The following UBR1 variants were observed in gnomAD, a reference collection of about 807,000 sequenced individuals.
UBR1 encodes ubiquitin protein ligase E3 component n-recognin 1.
UBR1 carries 102 observed loss-of-function variants against 242.1 expected under a neutral mutation model. The ratio of observed to expected loss-of-function variants is 0.42; its 90% CI spans 0.36 to 0.50. The LOEUF is 0.50. Ranked by LOEUF, UBR1 falls within the 20% of genes least tolerant of loss-of-function variation. The pLI, the probability that UBR1 is intolerant of heterozygous loss-of-function variation, is 0.01. For synonymous variants in UBR1, 675 were observed against 684.8 expected (o/e 0.99, Z 0.22); for missense variants, 1,772 against 2,101.8 (o/e 0.84, Z 3.07).
At chr15:43,083,288 A>G (rs182390808) in intron 2 of UBR1, among the ~76,000 whole-genome samples, 12 of 152,378 alleles carry the variant, frequency 7.9e-5, no homozygotes, top group African/African-American at 2.4e-4. Flanking sequence ...CTCTCCCTTA[A>G]TAACAACTTC....
At chr15:43,006,909 A>T (rs970245770) in intron 30 of UBR1, among the ~76,000 whole-genome samples, 170 bp downstream of exon 30, 2 of 152,228 alleles carry the variant, frequency 1.3e-5, no homozygotes, top group East Asian at 3.8e-4. Flanking sequence ...TTGGAGAAAA[A>T]TTGATTTTAT....
At chr15:42,979,434 C>T (rs905155224) in intron 37 of UBR1, among the ~76,000 whole-genome samples, 1 of 152,204 alleles carries the variant, frequency 6.6e-6, no homozygotes, top group Non-Finnish European at 1.5e-5. Flanking sequence ...ACTAAAATGG[C>T]TTCCAGTATT....
In UBR1 at chr15:43,106,014, G is replaced by A. The variant is rs1370737871; in HGVS notation, c.9C>T (p.Asp3=). Reference sequence around the variant, plus strand: ...TCCTCTCAGTACCTCCAGCCTCCTCGTCCGCCATCTTGAGGGAAACTGACG... The same window carrying A: ...TCCTCTCAGTACCTCCAGCCTCCTCATCCGCCATCTTGAGGGAAACTGACG... MA[D]EEAGGTERME... Residue 3 remains aspartate, a synonymous_variant, in exon 1 of 47, where the codon GAC becomes GAT. Coordinates refer to ENST00000290650, the MANE Select transcript of UBR1 (RefSeq NM_174916.3). The A allele has an allele frequency of 1.2e-6, 2 of 1,612,292 alleles. No homozygotes were observed. The highest frequency in any genetic ancestry group is 8.5e-7 in the Non-Finnish European group (1 of 1,179,274).
chr15:42,989,898 C>T (rs138795049), intron 34 of UBR1, 132 bp downstream of exon 34: 56 of 726,866 alleles, frequency 7.7e-5, no homozygotes, highest in Middle Eastern at 7.9e-4. Context: ...ATAAAACAAA[C>T]GAGAAAGAAA....
intron 41 of UBR1, among the ~76,000 whole-genome samples, chr15:42,964,586 T>C (rs899208708): frequency 3.9e-5 from 6 of 152,202 alleles, no homozygotes; most frequent in African/African-American, 7.2e-5. Flanking sequence ...GGCTCTAATG[T>C]GTAACCACAC....
In UBR1 at chr15:43,068,050, A is replaced by C. The variant is rs779087715; in HGVS notation, c.660-14T>G. 1.3e-6 allele frequency: 2 copies of C among 1,592,144 alleles called. No homozygotes were observed. The highest frequency in any genetic ancestry group is 1.7e-6 in the Non-Finnish European group (2 of 1,162,868). Reference sequence around the variant, plus strand: ...TCATTTTTCTCCCTGTTAGAAAAAAAACATATATATTTGGATACTACAACA... The same window carrying C: ...TCATTTTTCTCCCTGTTAGAAAAAACACATATATATTTGGATACTACAACA... On this transcript the variant is annotated splice_polypyrimidine_tract_variant and intron_variant, in intron 5 of 46. Transcript: ENST00000290650.
At chr15:42,968,626 C>T (rs941531096) in intron 40 of UBR1, among the ~76,000 whole-genome samples, 2 of 152,062 alleles carry the variant, frequency 1.3e-5, no homozygotes, top group Non-Finnish European at 2.9e-5. Flanking sequence ...CACCCAGCAA[C>T]CCGTCATCTA....
chr15:43,035,721 G>C (rs1320131437), intron 19 of UBR1, among the ~76,000 whole-genome samples: 2 of 150,226 alleles, frequency 1.3e-5, no homozygotes, highest in Admixed American at 1.3e-4. Context: ...GTCCTGAATG[G>C]TAATGCCTAG....
chr15:42,946,702 A>G (rs1330975571), intron 46 of UBR1, among the ~76,000 whole-genome samples: 1 of 152,206 alleles, frequency 6.6e-6, no homozygotes, highest in Non-Finnish European at 1.5e-5. Flanking sequence ...ATCTTTATCT[A>G]TATGTACTTT....
chr15:43,037,220 T>C (rs1394005397), intron 17 of UBR1, among the ~76,000 whole-genome samples: 2 of 151,622 alleles, frequency 1.3e-5, no homozygotes. Flanking sequence ...TAGTGGTGTA[T>C]GTCTGTAGTC....
intron 1 of UBR1, among the ~76,000 whole-genome samples, chr15:43,104,698 G>C (rs764738708): frequency 1.3e-5 from 2 of 150,550 alleles, no homozygotes; most frequent in South Asian, 2.1e-4. Flanking sequence ...TTGTATGCAG[G>C]GTTAAAAAAA....
chr15:43,087,642 G>A (rs925737544), intron 1 of UBR1, among the ~76,000 whole-genome samples: 3 of 152,028 alleles, frequency 2.0e-5, no homozygotes, highest in African/African-American at 4.8e-5. Context: ...TCTCTAAAGG[G>A]CAATTTGTAG....
intron 21 of UBR1, among the ~76,000 whole-genome samples, chr15:43,028,731 C>T (rs1371169564): frequency 1.4e-5 from 2 of 144,624 alleles, no homozygotes; most frequent in Non-Finnish European, 3.0e-5. Context: ...GGCAACAGAC[C>T]AAGACTCCAT....
intron 9 of UBR1, 32 bp downstream of exon 9, chr15:43,059,053 C>G: frequency 1.3e-6 from 2 of 1,560,672 alleles, no homozygotes; most frequent in Non-Finnish European, 1.8e-6. Context: ...CCTTTGCTTC[C>G]TGACAAACAG....
At chr15:43,053,701 T>A (rs909909647) in intron 12 of UBR1, among the ~76,000 whole-genome samples, 1 of 152,112 alleles carries the variant, frequency 6.6e-6, no homozygotes, top group African/African-American at 2.4e-5. Flanking sequence ...CAAGTGATCC[T>A]CTCGCCTCTG....
intron 33 of UBR1, among the ~76,000 whole-genome samples, chr15:42,996,096 T>C: frequency 6.6e-6 from 1 of 152,214 alleles, no homozygotes; most frequent in East Asian, 1.9e-4. Context: ...CCAAATTTTA[T>C]ACAAGGTCAA....
Position 42,985,648 on chromosome 15 carries a change from C to T in UBR1, c.3998-706G>A, listed in dbSNP as rs149573956. ...GATTACAGGCGTGAGCCACTGCGCC[C>T]GACCTCGGGTACAATTTTAAAAGAA... is the stretch of plus-strand genomic sequence containing the variant. On this transcript the variant is annotated intron_variant, in intron 35 of 46. Transcript: ENST00000290650. 3.4e-3 allele frequency among the ~76,000 whole-genome samples: 524 copies of T among 152,140 alleles called. 1 individual carries two copies. Among genetic ancestry groups the T allele is most frequent in the African/African-American group, 0.012 (498 of 41,528 alleles).
intron 1 of UBR1, among the ~76,000 whole-genome samples, chr15:43,097,586 T>C (rs1216114792): frequency 6.6e-6 from 1 of 152,256 alleles, no homozygotes; most frequent in Non-Finnish European, 1.5e-5. Flanking sequence ...TAGCTAGATC[T>C]TCTGCATAAC....
rs1005157314 is a variant in UBR1 at position 42,976,874 on chromosome 15, G to A, written c.4219-7C>T. On this transcript the variant is annotated splice_region_variant and splice_polypyrimidine_tract_variant and intron_variant, in intron 38 of 46. Transcript: ENST00000290650. ...ATGCTAACACAGCACCCACCTATGA[G>A]AGAAAAATGGACATCAATATGGCTA... 1.2e-6 allele frequency: 2 copies of A among 1,612,640 alleles called. No individual in the cohort carries two copies. Among genetic ancestry groups the A allele is most frequent in the African/African-American group, 1.3e-5 (1 of 74,824 alleles).
Sources: gnomAD v4.1 joint callset for allele counts (sites outside exome capture counted in the v4.1 genomes callset) on GRCh38, gnomAD v4.1.1 for gene constraint, MANE v1.5 for transcripts, NCBI Gene and HGNC (gene_info 2026-07-23, HGNC 2026-07-21) for gene names.